Variants in ZNF618 observed in about 807,000 individuals in gnomAD.
ZNF618 encodes the protein zinc finger protein 618, also known as neural precursor cell expressed, developmentally down-regulated 10.
In ZNF618, 34 loss-of-function variants were observed where a neutral mutation model predicts 103.0. That is an observed-to-expected ratio of 0.33 (90% CI 0.25 to 0.44). The LOEUF (loss-of-function observed/expected upper bound fraction) is 0.44, where lower values mean the gene tolerates loss of function less well. Among genes scored for constraint, ZNF618 ranks in the 20% least tolerant of loss-of-function variants. The pLI, the probability that ZNF618 is intolerant of heterozygous loss-of-function variation, is 1.00. For missense variants in ZNF618, 1,059 were observed against 1,295.4 expected, an observed-to-expected ratio of 0.82 and a Z score of 2.80; for synonymous variants, 551 against 542.2, an observed-to-expected ratio of 1.02 and a Z score of -0.23.
At chr9:114,015,389 A>G (rs1842571144) in intron 9 of ZNF618, among the ~76,000 whole-genome samples, 1 of 152,228 alleles carries the variant, frequency 6.6e-6, no homozygotes, top group South Asian at 2.1e-4. Context: ...AAAATAATCA[A>G]TTTCCTTAGA....
intron 1 of ZNF618, among the ~76,000 whole-genome samples, chr9:113,965,661 G>GC (rs1837329775): frequency 6.6e-6 from 1 of 152,080 alleles, no homozygotes; most frequent in South Asian, 2.1e-4. Flanking sequence ...CTCCTTCTCC[G>GC]CCCCCATTTT....
intron 3 of ZNF618, among the ~76,000 whole-genome samples, chr9:113,996,505 C>T (rs994555492): frequency 4.6e-5 from 7 of 152,176 alleles, no homozygotes; most frequent in Non-Finnish European, 7.3e-5. Flanking sequence ...ATCTTCCCAG[C>T]GTCCCCCTCT....
Position 114,028,625 on chromosome 9 carries a change from G to T in ZNF618, c.845-108G>T. 3 of 1,397,614 alleles carry T rather than the reference G, an allele frequency of 2.1e-6. No individual in the cohort carries two copies. In the Admixed American group the frequency reaches 8.0e-5, roughly 37 times the overall value. The allele number at this position is 1,397,614 out of a possible 1,614,324, so 86.6% of individuals were successfully genotyped here. On this transcript the variant is annotated intron_variant, in intron 10 of 14. Transcript: ENST00000374126. ...CTTGTTCTCTGTGGCACAAGAAGAG[G>T]TTGGACAGAGACAGTCCCAACCCTG... is the stretch of plus-strand genomic sequence containing the variant.
In ZNF618 at chr9:114,049,636, A is replaced by G; in HGVS notation, c.2334A>G (p.Ala778=). The part of the protein sequence containing the change: ...EKLFTAKAND[A]GTVSKLCHLF... ...TGTTCACGGCCAAGGCCAACGACGC[A>G]GGCACTGTCAGCAAGCTCTGCCACC... Residue 778 remains alanine, a synonymous_variant, in exon 15 of 15, where the codon GCA becomes GCG. Coordinates refer to ENST00000374126, the MANE Select transcript of ZNF618 (RefSeq NM_001318042.2). 2 of 1,613,850 alleles carry G rather than the reference A, an allele frequency of 1.2e-6. No individual in the cohort carries two copies. Among genetic ancestry groups the G allele is most frequent in the Non-Finnish European group, 1.7e-6 (2 of 1,179,910 alleles).
intron 1 of ZNF618, among the ~76,000 whole-genome samples, chr9:113,914,038 T>G (rs1363061917): frequency 6.6e-6 from 1 of 152,148 alleles, no homozygotes; most frequent in African/African-American, 2.4e-5. Context: ...TTTTGTTTAT[T>G]CAGCCTCCCC....
At chr9:113,950,405 A>G (rs1470833057) in intron 1 of ZNF618, among the ~76,000 whole-genome samples, 1 of 152,166 alleles carries the variant, frequency 6.6e-6, no homozygotes, top group African/African-American at 2.4e-5. Context: ...TGTTGGAAGA[A>G]GTAGCATTTC....
chr9:113,921,276 C>T (rs1588046580), intron 1 of ZNF618, among the ~76,000 whole-genome samples: 2 of 152,226 alleles, frequency 1.3e-5, no homozygotes, highest in Non-Finnish European at 1.5e-5. Context: ...CAGTGTTATG[C>T]ACCTAGATTC....
intron 1 of ZNF618, among the ~76,000 whole-genome samples, chr9:113,956,906 G>A (rs972219095): frequency 6.6e-6 from 1 of 152,184 alleles, no homozygotes; most frequent in Non-Finnish European, 1.5e-5. Context: ...AGTGTCAGAC[G>A]CAGTTCTGAG....
In ZNF618 at chr9:114,050,210, A is replaced by G. The variant is rs568303974; in HGVS notation, c.*43A>G. On this transcript the variant is annotated 3_prime_UTR_variant, in exon 15 of 15. Coordinates refer to ENST00000374126, the MANE Select transcript of ZNF618 (RefSeq NM_001318042.2). ...AAAAAAAAGAAAAAGAGAAGATAAC[A>G]TTAGAAAAAAACCACACAACACTGT... The G allele has an allele frequency of 6.4e-5, 97 of 1,505,038 alleles. 1 individual carries two copies. The Admixed American group carries it at 2.1e-3, about 33-fold the overall frequency. 93.2% of individuals were successfully genotyped at this position (1,505,038 alleles called of 1,614,324 possible). A position where few individuals can be genotyped will look rare whatever the true frequency, so the allele number is the denominator to read the frequency against.
chr9:113,964,415 A>G (rs1222348661), intron 1 of ZNF618, among the ~76,000 whole-genome samples: 1 of 152,144 alleles, frequency 6.6e-6, no homozygotes, highest in Non-Finnish European at 1.5e-5. Context: ...ACAAATGAAT[A>G]TATCAGTGAG....
At chr9:113,890,563 C>T (rs1829525554) in intron 1 of ZNF618, among the ~76,000 whole-genome samples, 2 of 152,234 alleles carry the variant, frequency 1.3e-5, no homozygotes, top group South Asian at 4.1e-4. Context: ...ATAACCTACT[C>T]TGTGAGAAAC....
chr9:114,003,023 G>A (rs1841395482), intron 6 of ZNF618, among the ~76,000 whole-genome samples: 1 of 152,206 alleles, frequency 6.6e-6, no homozygotes. Context: ...TCCCATGGGT[G>A]CCCTGGATAT....
intron 3 of ZNF618, among the ~76,000 whole-genome samples, chr9:113,990,624 G>A (rs1839959391): frequency 6.6e-6 from 1 of 152,212 alleles, no homozygotes; most frequent in African/African-American, 2.4e-5. Flanking sequence ...CCAGCCAAGT[G>A]ACAGAGGGAA....
chr9:113,926,399 C>G (rs1484966955), intron 1 of ZNF618, among the ~76,000 whole-genome samples: 1 of 151,872 alleles, frequency 6.6e-6, no homozygotes, highest in Non-Finnish European at 1.5e-5. Context: ...CTTCCTGGAT[C>G]TGTGGTTTTG....
chr9:113,966,018 T>C (rs377574485), intron 1 of ZNF618, among the ~76,000 whole-genome samples: 11 of 152,188 alleles, frequency 7.2e-5, no homozygotes, highest in East Asian at 3.9e-4. Context: ...CCAGGCTGGC[T>C]CTGCGACTCG....
At chr9:114,003,421 A>G (rs754175980) in intron 6 of ZNF618, among the ~76,000 whole-genome samples, 5 of 152,236 alleles carry the variant, frequency 3.3e-5, no homozygotes, top group African/African-American at 4.8e-5. Context: ...GCAAACTAGA[A>G]TGTCCTTAGC....
intron 2 of ZNF618, among the ~76,000 whole-genome samples, chr9:113,985,455 G>A (rs983986807): frequency 6.6e-6 from 1 of 152,218 alleles, no homozygotes; most frequent in Non-Finnish European, 1.5e-5. Flanking sequence ...TATGTCTTAG[G>A]CCTCACAGAA....
intron 1 of ZNF618, 114 bp from the exon 2 acceptor site, chr9:113,969,003 A>C: frequency 2.4e-6 from 3 of 1,238,034 alleles, no homozygotes; most frequent in Non-Finnish European, 3.5e-6. Context: ...GCTTGTGGCC[A>C]GCTCACCCCA....
At chr9:113,923,345 A>G (rs1832809914) in intron 1 of ZNF618, among the ~76,000 whole-genome samples, 1 of 152,190 alleles carries the variant, frequency 6.6e-6, no homozygotes, top group Non-Finnish European at 1.5e-5. Context: ...AGGAATTATG[A>G]GAGAGGACAT....
Sources: gnomAD v4.1 joint callset for allele counts (sites outside exome capture counted in the v4.1 genomes callset) on GRCh38, gnomAD v4.1.1 for gene constraint, MANE v1.5 for transcripts, NCBI Gene and HGNC (gene_info 2026-07-23, HGNC 2026-07-21) for gene names.